PLCH1: variants seen among roughly 807,000 people sequenced by gnomAD.
The protein encoded by PLCH1 is 1-phosphatidylinositol 4,5-bisphosphate phosphodiesterase eta-1.
Under a neutral mutation model 126.7 loss-of-function variants are expected in PLCH1, and 60 were observed. The observed-to-expected ratio is 0.47, with a 90% CI of 0.38 to 0.59. The LOEUF (loss-of-function observed/expected upper bound fraction) is 0.59, where lower values mean the gene tolerates loss of function less well. Among genes scored for constraint, PLCH1 ranks in the 20% least tolerant of loss-of-function variants. The pLI, the probability that PLCH1 is intolerant of heterozygous loss-of-function variation, is 0.00. For synonymous variants in PLCH1, 719 were observed against 734.9 expected, an observed-to-expected ratio of 0.98 and a Z score of 0.35; for missense variants, 1,723 against 2,040.0, an observed-to-expected ratio of 0.84 and a Z score of 2.99.
At chr3:155,541,045 G>A (rs188505370) in intron 10 of PLCH1, among the ~76,000 whole-genome samples, 41 of 152,236 alleles carry the variant, frequency 2.7e-4, no homozygotes, top group South Asian at 4.1e-4. Context: ...ATACACCGTG[G>A]AATACTACTC....
chr3:155,549,892 G>A lies in PLCH1; in HGVS notation c.1257C>T (p.Tyr419=). Residue 419 remains tyrosine, a synonymous_variant, in exon 10 of 23, where the codon TAC becomes TAT. Coordinates refer to ENST00000460012, the MANE Select transcript of PLCH1 (RefSeq NM_014996.4). ...GTTTGTCTCCGAATATTCCTTTCAG[G>A]TACTGAGCAATCTTCCTTTGCTGCT... is the stretch of plus-strand genomic sequence containing the variant. ...SIQQQRKIAQ[Y]LKGIFGDKLD... 6.2e-7 allele frequency: 1 copy of A among 1,613,082 alleles called. No individual in the cohort carries two copies. The highest frequency in any genetic ancestry group is 8.5e-7 in the Non-Finnish European group (1 of 1,179,138).
At chr3:155,487,369 C>T (rs1715405426) in intron 21 of PLCH1, among the ~76,000 whole-genome samples, 1 of 152,152 alleles carries the variant, frequency 6.6e-6, no homozygotes. Flanking sequence ...CCTCCAAATC[C>T]CGTGTGGTCC....
intron 12 of PLCH1, among the ~76,000 whole-genome samples, chr3:155,513,044 A>G (rs1719803639): frequency 1.3e-5 from 2 of 152,236 alleles, no homozygotes; most frequent in Non-Finnish European, 2.9e-5. Context: ...GCTCCGCAGG[A>G]AAAAGACAGG....
chr3:155,522,609 G>A lies in PLCH1; in HGVS notation c.1470+1288C>T, dbSNP rs75702933. ...AGCTCATTTTCACAACTACAGGAAAGCCAACACAGAATTATCTGAGAGTGG... is the reference window on the plus strand; with the variant it reads ...AGCTCATTTTCACAACTACAGGAAAACCAACACAGAATTATCTGAGAGTGG... On this transcript the variant is annotated intron_variant, in intron 11 of 22. Coordinates refer to ENST00000460012, the MANE Select transcript of PLCH1 (RefSeq NM_014996.4). Among the ~76,000 whole-genome samples, 234 of 152,068 alleles carry A rather than the reference G, an allele frequency of 1.5e-3. 1 individual carries two copies. Among genetic ancestry groups the A allele is most frequent in the African/African-American group, 5.4e-3 (223 of 41,484 alleles).
At chr3:155,493,086 G>A (rs1349975728) in intron 17 of PLCH1, among the ~76,000 whole-genome samples, 1 of 152,146 alleles carries the variant, frequency 6.6e-6, no homozygotes, top group African/African-American at 2.4e-5. Flanking sequence ...GTGGAATGAA[G>A]GAAGAGAAGC....
chr3:155,537,703 C>A (rs1490516295), intron 10 of PLCH1, among the ~76,000 whole-genome samples: 2 of 151,936 alleles, frequency 1.3e-5, no homozygotes, highest in African/African-American at 4.8e-5. Flanking sequence ...ATATCACAAT[C>A]CTAAATATAT....
chr3:155,483,016 T>C lies in PLCH1; in HGVS notation c.3010A>G (p.Ser1004Gly). The C allele has an allele frequency of 6.2e-7, 1 of 1,613,806 alleles. No homozygotes were observed. Among genetic ancestry groups the C allele is most frequent in the Non-Finnish European group, 8.5e-7 (1 of 1,179,858 alleles). Residue 1004 changes from serine to glycine, a missense_variant, in exon 23 of 23, where the codon AGT becomes GGT. Ser to Gly is a moderately conservative substitution (Grantham distance 56). Around this residue, in one of 2 missense-constraint regions of PLCH1, gnomAD observed 947 missense variants for 977.1 expected, o/e 0.97. Coordinates refer to ENST00000460012, the MANE Select transcript of PLCH1 (RefSeq NM_014996.4). ...DKDGRRKGKASIKDPHFLNFN... is the reference protein window; with the variant it reads ...DKDGRRKGKAGIKDPHFLNFN... Reference sequence around the variant, plus strand: ...TTTAGAAAATGTGGATCTTTTATACTTGCTTTCCCTTTTCTTCTGCCATCT... The same window carrying C: ...TTTAGAAAATGTGGATCTTTTATACCTGCTTTCCCTTTTCTTCTGCCATCT...
Position 155,482,665 on chromosome 3 carries a change from A to T in PLCH1, c.3361T>A (p.Ser1121Thr), listed in dbSNP as rs1714351168. 6.2e-7 allele frequency: 1 copy of T among 1,614,056 alleles called. No individual in the cohort carries two copies. The highest frequency in any genetic ancestry group is 1.3e-5 in the African/African-American group (1 of 74,922). Residue 1121 changes from serine to threonine, a missense_variant, in exon 23 of 23, where the codon TCT becomes ACT. This residue lies in a region of PLCH1 where 947 missense variants were observed against 977.1 expected (regional missense o/e 0.97). Transcript: ENST00000460012. ...GKSILSGSVLSHSNLEIKNLE... is the reference protein window; with the variant it reads ...GKSILSGSVLTHSNLEIKNLE... ...TTCTTAATTTCTAGGTTGCTATGAG[A>T]AAGGACGCTTCCTGACAAGATGCTT...
At chr3:155,571,556 A>T (rs1375004312) in intron 6 of PLCH1, among the ~76,000 whole-genome samples, 1 of 152,120 alleles carries the variant, frequency 6.6e-6, no homozygotes, top group Non-Finnish European at 1.5e-5. Flanking sequence ...ACACGCCACC[A>T]TGCCCTGCTC....
At chr3:155,544,223 C>A (rs1724851631) in intron 10 of PLCH1, among the ~76,000 whole-genome samples, 1 of 152,140 alleles carries the variant, frequency 6.6e-6, no homozygotes, top group Non-Finnish European at 1.5e-5. Context: ...CAAAAAAAGG[C>A]AGAGGTTGCA....
chr3:155,565,766 G>A (rs1317704767), intron 7 of PLCH1, among the ~76,000 whole-genome samples: 5 of 150,800 alleles, frequency 3.3e-5, no homozygotes, highest in Admixed American at 6.6e-5. Flanking sequence ...CACGATCTTG[G>A]CTCACTGCAA....
chr3:155,683,749 T>C (rs890776252), intron 2 of PLCH1, among the ~76,000 whole-genome samples: 4 of 152,222 alleles, frequency 2.6e-5, no homozygotes, highest in African/African-American at 7.2e-5. Flanking sequence ...CAGTGACATA[T>C]ATTAAAACAA....
At chr3:155,635,733 TG>T in intron 2 of PLCH1, among the ~76,000 whole-genome samples, 1 of 152,336 alleles carries the variant, frequency 6.6e-6, no homozygotes, top group South Asian at 2.1e-4. Flanking sequence ...GAGCATTGCA[TG>T]GGAAATTGAT....
chr3:155,657,482 G>A (rs904496708), intron 2 of PLCH1, among the ~76,000 whole-genome samples: 5 of 152,106 alleles, frequency 3.3e-5, no homozygotes, highest in South Asian at 4.1e-4. Context: ...TCTAGCATTC[G>A]GCTGAGTACT....
intron 2 of PLCH1, among the ~76,000 whole-genome samples, chr3:155,654,987 A>G (rs912102217): frequency 2.0e-5 from 3 of 152,136 alleles, no homozygotes; most frequent in African/African-American, 7.2e-5. Flanking sequence ...TTACTTAAAT[A>G]CACCATTCCT....
At chr3:155,735,548 C>T (rs1350962948) in intron 1 of PLCH1, among the ~76,000 whole-genome samples, 2 of 151,112 alleles carry the variant, frequency 1.3e-5, no homozygotes, top group Non-Finnish European at 2.9e-5. Context: ...GCAGGAGAAT[C>T]GCTTGAACCC....
intron 1 of PLCH1, among the ~76,000 whole-genome samples, chr3:155,737,878 T>TCA (rs1258317370): frequency 6.6e-6 from 1 of 152,026 alleles, no homozygotes; most frequent in Non-Finnish European, 1.5e-5. Context: ...CTCTTCAACT[T>TCA]AATTGAAGAG....
At chr3:155,600,272 C>T (rs935088579) in intron 2 of PLCH1, among the ~76,000 whole-genome samples, 13 of 152,200 alleles carry the variant, frequency 8.5e-5, no homozygotes. Flanking sequence ...CTTCCAGTCT[C>T]ATCTAGATCA....
intron 2 of PLCH1, among the ~76,000 whole-genome samples, chr3:155,619,372 A>T (rs1736177284): frequency 6.6e-6 from 1 of 152,026 alleles, no homozygotes; most frequent in Non-Finnish European, 1.5e-5. Context: ...GCATTGTAAA[A>T]GGGAGTGCCT....
Sources: allele counts gnomAD v4.1 joint callset (sites outside exome capture counted in the v4.1 genomes callset), GRCh38; gene constraint gnomAD v4.1.1; regional missense constraint gnomAD v4.1.1; transcripts MANE v1.5; gene names NCBI Gene and HGNC (gene_info 2026-07-23, HGNC 2026-07-21).